The following NBEA variants were observed in gnomAD, a reference collection of about 807,000 sequenced individuals.
The protein encoded by NBEA is neurobeachin.
Under a neutral mutation model 343.4 loss-of-function variants are expected in NBEA, and 44 were observed. The ratio of observed to expected loss-of-function variants is 0.13; its 90% CI spans 0.10 to 0.16. NBEA has a LOEUF of 0.16. Among genes scored for constraint, NBEA ranks in the 10% least tolerant of loss-of-function variants. The pLI, the probability that NBEA is intolerant of heterozygous loss-of-function variation, is 1.00. For synonymous variants in NBEA, 1,175 were observed against 1,238.7 expected (o/e 0.95, Z 1.08); for missense variants, 2,555 against 3,631.3 (o/e 0.70, Z 7.62).
intron 31 of NBEA, among the ~76,000 whole-genome samples, chr13:35,201,654 G>C (rs2073029784): frequency 6.6e-6 from 1 of 151,894 alleles, no homozygotes; most frequent in Admixed American, 6.6e-5. Context: ...CTGGAACTCA[G>C]TTTCCCAACC....
At chr13:35,597,915 G>T (rs1273382158) in intron 47 of NBEA, among the ~76,000 whole-genome samples, 1 of 152,118 alleles carries the variant, frequency 6.6e-6, no homozygotes, top group East Asian at 1.9e-4. Context: ...ATTTCAAGAG[G>T]TCACTGAGGG....
intron 4 of NBEA, 91 bp from the exon 5 acceptor site, chr13:35,048,472 T>G: frequency 2.6e-6 from 3 of 1,176,044 alleles, no homozygotes; most frequent in Non-Finnish European, 3.5e-6. Context: ...ATACTTTGAT[T>G]GTTATTTAAT....
At chr13:35,513,742 G>A (rs1002510539) in intron 41 of NBEA, among the ~76,000 whole-genome samples, 13 of 151,880 alleles carry the variant, frequency 8.6e-5, no homozygotes, top group African/African-American at 3.1e-4. Flanking sequence ...AGTTAAATGT[G>A]AGCAAATTTT....
chr13:35,616,660 C>T (rs1291236735), intron 48 of NBEA, among the ~76,000 whole-genome samples: 1 of 152,174 alleles, frequency 6.6e-6, no homozygotes. Flanking sequence ...AGTAGGTTTT[C>T]CCTCTTACTG....
At chr13:35,195,150 A>G (rs1032184953) in intron 30 of NBEA, among the ~76,000 whole-genome samples, 4 of 152,092 alleles carry the variant, frequency 2.6e-5, no homozygotes, top group African/African-American at 9.7e-5. Flanking sequence ...ATGACTTTAT[A>G]TTTTTAAGGA....
intron 36 of NBEA, among the ~76,000 whole-genome samples, chr13:35,322,238 A>G (rs2038205422): frequency 6.6e-6 from 1 of 152,188 alleles, no homozygotes; most frequent in Non-Finnish European, 1.5e-5. Context: ...TAGGCACCCA[A>G]GAAAATCTCC....
At chr13:35,018,756 T>G (rs2061736614) in intron 1 of NBEA, among the ~76,000 whole-genome samples, 2 of 152,156 alleles carry the variant, frequency 1.3e-5, no homozygotes, top group Non-Finnish European at 2.9e-5. Flanking sequence ...TGTTTTGCAT[T>G]TGGTTGAGCA....
At chr13:35,345,405 A>C (rs183746257) in intron 36 of NBEA, among the ~76,000 whole-genome samples, 2 of 152,248 alleles carry the variant, frequency 1.3e-5, no homozygotes, top group Admixed American at 1.3e-4. Context: ...TACCAAGTGC[A>C]GCAGAGTGGT....
chr13:35,585,525 T>C (rs1198585345), intron 46 of NBEA, among the ~76,000 whole-genome samples: 1 of 152,144 alleles, frequency 6.6e-6, no homozygotes, highest in Non-Finnish European at 1.5e-5. Flanking sequence ...TTTTCCTTAA[T>C]GTTCCTCTTC....
chr13:35,298,172 A>AGTGTGT (rs373685774), intron 35 of NBEA, among the ~76,000 whole-genome samples: 1 of 138,090 alleles, frequency 7.2e-6, no homozygotes. Flanking sequence ...ATACATAGCC[A>AGTGTGT]GTGTGTGTGT....
intron 38 of NBEA, among the ~76,000 whole-genome samples, chr13:35,423,701 C>T (rs2044452643): frequency 1.3e-5 from 2 of 152,202 alleles, no homozygotes; most frequent in Middle Eastern, 6.8e-3. Flanking sequence ...TTATTGGTAG[C>T]TTGATGGGGA....
intron 55 of NBEA, among the ~76,000 whole-genome samples, chr13:35,660,655 A>G (rs913238684): frequency 2.6e-5 from 4 of 152,128 alleles, no homozygotes; most frequent in Non-Finnish European, 4.4e-5. Flanking sequence ...GCCAAATCAC[A>G]TCCCTCTCTT....
intron 34 of NBEA, among the ~76,000 whole-genome samples, chr13:35,262,160 T>C (rs1442409536): frequency 6.6e-6 from 1 of 152,240 alleles, no homozygotes; most frequent in Non-Finnish European, 1.5e-5. Context: ...ATAAAATTAC[T>C]GACAATTCCA....
chr13:35,668,333 T>G (rs753880223), intron 57 of NBEA, 35 bp from the exon 58 acceptor site: 96 of 1,508,176 alleles, frequency 6.4e-5, no homozygotes, highest in Admixed American at 1.3e-4. Context: ...TTTTATTTTG[T>G]TTTTTTTTGT....
chr13:35,472,555 A>T lies in NBEA; in HGVS notation c.6585+19A>T. On this transcript the variant is annotated intron_variant, in intron 41 of 58. Transcript: ENST00000379939. ...CACGAAAGTGAGTTAAAGCGATTCC[A>T]TGTACAGTATTGGTGGCTTTGTGGC... The T allele has an allele frequency of 1.9e-6, 3 of 1,613,922 alleles. No homozygotes were observed. Among genetic ancestry groups the T allele is most frequent in the Non-Finnish European group, 2.5e-6 (3 of 1,179,822 alleles).
At position 35,247,738 on chromosome 13, in the gene NBEA, A is replaced by G. The variant is rs150078314; in HGVS notation, c.5776+15119A>G. On this transcript the variant is annotated intron_variant, in intron 34 of 58. Transcript: ENST00000379939. Reference sequence around the variant, plus strand: ...TCTTGAAGCAAAAGTTGATAATGTGAGTCTCCACATTCTGCTCTGTCTATC... The same window carrying G: ...TCTTGAAGCAAAAGTTGATAATGTGGGTCTCCACATTCTGCTCTGTCTATC... 5.6e-3 allele frequency among the ~76,000 whole-genome samples: 855 copies of G among 152,210 alleles called. 5 individuals are homozygous for G. The highest frequency in any genetic ancestry group is 9.0e-3 in the Non-Finnish European group (610 of 68,022).
At chr13:35,292,792 A>C (rs533696075) in intron 35 of NBEA, among the ~76,000 whole-genome samples, 74 of 152,190 alleles carry the variant, frequency 4.9e-4, no homozygotes, top group African/African-American at 1.8e-3. Flanking sequence ...AATGCTGGTT[A>C]GAATAAGTTG....
At chr13:35,087,280 C>T (rs1326351669) in intron 10 of NBEA, among the ~76,000 whole-genome samples, 1 of 151,650 alleles carries the variant, frequency 6.6e-6, no homozygotes, top group Non-Finnish European at 1.5e-5. Context: ...AGATATTGAT[C>T]TAGGAAGAGA....
At chr13:35,153,738 T>A (rs2068954537) in intron 18 of NBEA, among the ~76,000 whole-genome samples, 1 of 152,152 alleles carries the variant, frequency 6.6e-6, no homozygotes, top group Non-Finnish European at 1.5e-5. Flanking sequence ...TGCAATGTGA[T>A]TTCTTCTCTT....
Sources: allele counts gnomAD v4.1 joint callset (sites outside exome capture counted in the v4.1 genomes callset), GRCh38; gene constraint gnomAD v4.1.1; transcripts MANE v1.5; gene names NCBI Gene and HGNC (gene_info 2026-07-23, HGNC 2026-07-21).